The following RNF217 variants were observed in gnomAD, a reference collection of about 807,000 sequenced individuals.
The protein encoded by RNF217 is E3 ubiquitin-protein ligase RNF217.
A neutral mutation model predicts 57.8 loss-of-function variants in RNF217; 31 were observed. The ratio of observed to expected loss-of-function variants is 0.54; its 90% CI spans 0.40 to 0.72. RNF217 has a LOEUF of 0.72. Ranked by LOEUF, RNF217 falls within the 30% of genes least tolerant of loss-of-function variation. RNF217 has a pLI of 0.00. For missense variants in RNF217, 696 were observed against 708.3 expected (o/e 0.98, Z 0.20); for synonymous variants, 313 against 294.0 (o/e 1.06, Z -0.66).
chr6:125,045,464 C>T lies in RNF217; in HGVS notation c.1116+20C>T. ...TACAAAGTAAGCATTTTCACCAGAG[C>T]TGTGGGTTAGATGTCACATGGCAGA... On this transcript the variant is annotated intron_variant, in intron 2 of 5. Transcript: ENST00000521654. 1 of 1,587,174 alleles carries T rather than the reference C, an allele frequency of 6.3e-7. No homozygotes were observed. Among genetic ancestry groups the T allele is most frequent in the Non-Finnish European group, 8.6e-7 (1 of 1,159,344 alleles).
intron 1 of RNF217, among the ~76,000 whole-genome samples, chr6:124,979,160 C>T (rs1038654409): frequency 4.6e-5 from 7 of 152,144 alleles, no homozygotes; most frequent in Admixed American, 2.0e-4. Flanking sequence ...CGGGTTTCAC[C>T]AAGGACCTGA....
intron 1 of RNF217, among the ~76,000 whole-genome samples, chr6:124,967,362 C>T (rs76710364): frequency 0.025 from 3,854 of 152,232 alleles, 63 homozygotes; most frequent in Middle Eastern, 0.065. Flanking sequence ...ATGTTCATTT[C>T]AGAAATCTTC....
intron 1 of RNF217, among the ~76,000 whole-genome samples, chr6:125,043,048 T>A (rs974995560): frequency 6.6e-6 from 1 of 152,052 alleles, no homozygotes; most frequent in African/African-American, 2.4e-5. Flanking sequence ...ACATCCAGAC[T>A]CCTAAGATGG....
chr6:125,056,230 CCTT>C (rs1787519349), intron 2 of RNF217, among the ~76,000 whole-genome samples: 1 of 152,070 alleles, frequency 6.6e-6, no homozygotes, highest in African/African-American at 2.4e-5. Flanking sequence ...CGTTTAAATT[CCTT>C]CTTAACACAT....
At chr6:125,050,063 TAGC>T (rs1330943625) in intron 2 of RNF217, among the ~76,000 whole-genome samples, 2 of 151,856 alleles carry the variant, frequency 1.3e-5, no homozygotes, top group African/African-American at 4.8e-5. Context: ...GAGGAGGTGA[TAGC>T]AGTTCTTTAT....
rs1475279875 is a variant in RNF217, at chr6:125,083,043, C to G, written c.*106C>G. ...GAAAAACACTGAGAGGAACCTTCTA[C>G]CATCTCATCTCCCAGTGATTCTCCG... On this transcript the variant is annotated 3_prime_UTR_variant, in exon 6 of 6. Transcript: ENST00000521654. 1 of 689,296 alleles carries G rather than the reference C, an allele frequency of 1.5e-6. No homozygotes were observed. Among genetic ancestry groups the G allele is most frequent in the Non-Finnish European group, 2.3e-6 (1 of 426,734 alleles). The allele number at this position is 689,296 out of a possible 1,614,324, so 42.7% of individuals were successfully genotyped here. A position where few individuals can be genotyped will look rare whatever the true frequency, so the allele number is the denominator to read the frequency against.
intron 1 of RNF217, among the ~76,000 whole-genome samples, chr6:125,038,702 A>G (rs1360846859): frequency 6.6e-6 from 1 of 152,190 alleles, no homozygotes; most frequent in Non-Finnish European, 1.5e-5. Flanking sequence ...TTTAATTGCT[A>G]CATTCTCAAG....
At chr6:125,081,314 C>G (rs1788564680) in intron 4 of RNF217, 122 bp from the exon 5 acceptor site, 1 of 674,064 alleles carries the variant, frequency 1.5e-6, no homozygotes, top group Non-Finnish European at 2.6e-6. Context: ...ATATATACAG[C>G]CTTAAGTGTA....
In RNF217 at chr6:125,088,014, CTTTTTTTTTTTTT is replaced by C. The variant is rs34412026; in HGVS notation, c.*5087_*5099del. Reference sequence around the variant, plus strand: ...AATATGGAAAATAAGTTACAAAATTCTTTTTTTTTTTTTTTTTTTTTTGAGACAGAGGTTCTCT... The same window carrying C: ...AATATGGAAAATAAGTTACAAAATTCTTTTTTTTTGAGACAGAGGTTCTCT... On this transcript the variant is annotated 3_prime_UTR_variant, in exon 6 of 6. Coordinates refer to ENST00000521654, the MANE Select transcript of RNF217 (RefSeq NM_001286398.3). 4.0e-5 allele frequency: 4 copies of C among 100,858 alleles called. No homozygotes were observed. In the Admixed American group the frequency reaches 4.1e-4, roughly 10 times the overall value. 6.2% of individuals were successfully genotyped at this position (100,858 alleles called of 1,614,324 possible).
chr6:125,033,118 A>G (rs1001204534), intron 1 of RNF217, among the ~76,000 whole-genome samples: 4 of 151,694 alleles, frequency 2.6e-5, no homozygotes, highest in African/African-American at 7.3e-5. Flanking sequence ...TCTTTTTTCA[A>G]TATATCCAAG....
At chr6:124,998,289 C>T (rs1784825314) in intron 1 of RNF217, among the ~76,000 whole-genome samples, 1 of 152,028 alleles carries the variant, frequency 6.6e-6, no homozygotes, top group African/African-American at 2.4e-5. Flanking sequence ...CTTTTTTCTT[C>T]CCTCAGCTCC....
At chr6:125,046,458 A>C (rs916263373) in intron 2 of RNF217, 1 of 390,368 alleles carries the variant, frequency 2.6e-6, no homozygotes, top group Non-Finnish European at 5.1e-6. Context: ...CTTCCATGAC[A>C]CACCAGTGCC....
intron 1 of RNF217, among the ~76,000 whole-genome samples, chr6:124,998,545 G>A (rs7746049): frequency 0.84 from 127,509 of 152,236 alleles, 53,497 homozygotes; most frequent in East Asian, 0.9. Context: ...CAAACCTGTA[G>A]TCGCAACACT....
chr6:125,043,133 C>T (rs923921992), intron 1 of RNF217, among the ~76,000 whole-genome samples: 4 of 152,062 alleles, frequency 2.6e-5, no homozygotes, highest in Non-Finnish European at 5.9e-5. Context: ...CTTACTCACA[C>T]TTTGTGGTCC....
chr6:125,036,128 C>T (rs1036941354), intron 1 of RNF217, among the ~76,000 whole-genome samples: 2 of 151,930 alleles, frequency 1.3e-5, no homozygotes, highest in African/African-American at 2.4e-5. Context: ...TCCCTGTGTC[C>T]GTGTGTTCTA....
intron 1 of RNF217, chr6:124,971,479 C>T (rs547879547): frequency 7.1e-5 from 24 of 337,334 alleles, no homozygotes; most frequent in Non-Finnish European, 8.8e-5. Context: ...TGTTTTGAGA[C>T]GGAGTCTCAC....
intron 1 of RNF217, among the ~76,000 whole-genome samples, chr6:125,035,039 A>G (rs1229275323): frequency 6.6e-6 from 1 of 151,954 alleles, no homozygotes; most frequent in African/African-American, 2.4e-5. Flanking sequence ...ATTTTTGTAC[A>G]TTGATTTTGT....
rs182866041 is a variant in RNF217, at chr6:124,967,996, T to C, written c.882+4570T>C. On this transcript the variant is annotated intron_variant, in intron 1 of 5. Coordinates refer to ENST00000521654, the MANE Select transcript of RNF217 (RefSeq NM_001286398.3). ...GGTTTCACCATGTTGGCCAGGCTGG[T>C]CTCGAACTCCTGACCTCAGATGGTC... is the stretch of plus-strand genomic sequence containing the variant. Among the ~76,000 whole-genome samples the C allele has an allele frequency of 2.3e-3, 352 of 152,228 alleles. 2 individuals carry two copies. Among genetic ancestry groups the C allele is most frequent in the African/African-American group, 8.0e-3 (332 of 41,540 alleles).
At position 125,076,729 on chromosome 6, in the gene RNF217, TGTG is replaced by T; in HGVS notation, c.1358_1360del (p.Gly453del). The T allele has an allele frequency of 6.2e-7, 1 of 1,613,524 alleles. No individual in the cohort carries two copies. Among genetic ancestry groups the T allele is most frequent in the Non-Finnish European group, 8.5e-7 (1 of 1,179,582 alleles). On this transcript the variant is annotated inframe_deletion, in exon 4 of 6. Coordinates refer to ENST00000521654, the MANE Select transcript of RNF217 (RefSeq NM_001286398.3). Reference sequence around the variant, plus strand: ...ATGTAACACTAATTTTTGTTACCGATGTGGTGAGAGATACCGCCAGCTCCGATT... The same window carrying T: ...ATGTAACACTAATTTTTGTTACCGATGTGAGAGATACCGCCAGCTCCGATT...
Sources: gnomAD v4.1 joint callset for allele counts (sites outside exome capture counted in the v4.1 genomes callset) on GRCh38, gnomAD v4.1.1 for gene constraint, MANE v1.5 for transcripts, NCBI Gene and HGNC (gene_info 2026-07-23, HGNC 2026-07-21) for gene names.